The following ARMH3 variants were observed in gnomAD, a reference collection of about 807,000 sequenced individuals.
ARMH3 encodes armadillo-like helical domain-containing protein 3.
In ARMH3, 60 loss-of-function variants were observed where a neutral mutation model predicts 99.1. That is an observed-to-expected ratio of 0.61 (90% CI 0.49 to 0.75). The LOEUF (loss-of-function observed/expected upper bound fraction) is 0.75, where lower values mean the gene tolerates loss of function less well. Among genes scored for constraint, ARMH3 ranks in the 30% least tolerant of loss-of-function variants. ARMH3 has a pLI of 0.00. For synonymous variants in ARMH3, 285 were observed against 292.8 expected (o/e 0.97, Z 0.27); for missense variants, 679 against 843.1 (o/e 0.81, Z 2.41).
chr10:102,030,525 A>G (rs2067103437), intron 4 of ARMH3, among the ~76,000 whole-genome samples: 2 of 152,210 alleles, frequency 1.3e-5, no homozygotes, highest in South Asian at 4.2e-4. Flanking sequence ...CTTGGCCAAC[A>G]TGGTGAAACC....
intron 24 of ARMH3, among the ~76,000 whole-genome samples, chr10:101,869,484 G>A (rs929335355): frequency 6.6e-5 from 10 of 151,968 alleles, no homozygotes; most frequent in African/African-American, 1.9e-4. Context: ...CCAAATAATG[G>A]AAATGAAACA....
intron 24 of ARMH3, among the ~76,000 whole-genome samples, 161 bp from the exon 25 acceptor site, chr10:101,850,053 G>A (rs902822047): frequency 2.7e-5 from 4 of 150,788 alleles, no homozygotes; most frequent in African/African-American, 4.9e-5. Flanking sequence ...TACAGGGAGC[G>A]ATGCCTCAGG....
intron 24 of ARMH3, among the ~76,000 whole-genome samples, chr10:101,857,123 T>C (rs2066754077): frequency 6.6e-6 from 1 of 152,146 alleles, no homozygotes; most frequent in Non-Finnish European, 1.5e-5. Context: ...TTCTGACCTT[T>C]CTGACCTCCT....
intron 23 of ARMH3, among the ~76,000 whole-genome samples, chr10:101,915,088 T>C (rs1195489457): frequency 6.6e-6 from 1 of 152,050 alleles, no homozygotes; most frequent in Admixed American, 6.6e-5. Context: ...AGTTCAACTC[T>C]AACCAAAATG....
chr10:102,017,427 A>G (rs1369953036), intron 8 of ARMH3, among the ~76,000 whole-genome samples: 1 of 152,210 alleles, frequency 6.6e-6, no homozygotes, highest in African/African-American at 2.4e-5. Context: ...CATGTCCAAT[A>G]TTTCAGACTG....
chr10:101,967,000 A>T (rs753692052), intron 20 of ARMH3, among the ~76,000 whole-genome samples: 23 of 152,206 alleles, frequency 1.5e-4, no homozygotes, highest in Non-Finnish European at 3.2e-4. Flanking sequence ...AGCACAAACT[A>T]ATATCTCCAA....
At chr10:101,969,274 GT>G (rs1845669300) in intron 20 of ARMH3, among the ~76,000 whole-genome samples, 1 of 152,126 alleles carries the variant, frequency 6.6e-6, no homozygotes, top group Non-Finnish European at 1.5e-5. Flanking sequence ...GCAACTTCCT[GT>G]AAGTCTATAA....
intron 2 of ARMH3, among the ~76,000 whole-genome samples, chr10:102,036,686 AAG>A (rs2067284286): frequency 1.3e-5 from 2 of 152,006 alleles, no homozygotes; most frequent in Non-Finnish European, 2.9e-5. Flanking sequence ...CAGGCTCGTT[AAG>A]AGTCATCACC....
chr10:102,038,770 C>T (rs1024077973), intron 2 of ARMH3, among the ~76,000 whole-genome samples: 1 of 150,496 alleles, frequency 6.6e-6, no homozygotes, highest in Non-Finnish European at 1.5e-5. Flanking sequence ...GAGATAGGGT[C>T]TCACTCTTGC....
At chr10:101,903,355 G>T (rs903379758) in intron 23 of ARMH3, among the ~76,000 whole-genome samples, 10 of 152,188 alleles carry the variant, frequency 6.6e-5, no homozygotes, top group African/African-American at 1.9e-4. Flanking sequence ...GGCAATGAAG[G>T]TTGTGAATAA....
At chr10:102,031,444 C>CTACA (rs1831183290) in intron 4 of ARMH3, among the ~76,000 whole-genome samples, 1 of 152,216 alleles carries the variant, frequency 6.6e-6, no homozygotes, top group African/African-American at 2.4e-5. Context: ...ATAAAACAGT[C>CTACA]TACAATTCAT....
intron 20 of ARMH3, among the ~76,000 whole-genome samples, chr10:101,971,032 G>A (rs1845746059): frequency 6.7e-6 from 1 of 150,112 alleles, no homozygotes; most frequent in Non-Finnish European, 1.5e-5. Context: ...AGGAGACAGA[G>A]GTTGCAGTGA....
At chr10:101,940,621 G>A (rs1285177455) in intron 22 of ARMH3, among the ~76,000 whole-genome samples, 2 of 151,922 alleles carry the variant, frequency 1.3e-5, no homozygotes, top group African/African-American at 4.8e-5. Flanking sequence ...CCCACAACAG[G>A]TCCCGGTGTG....
intron 19 of ARMH3, among the ~76,000 whole-genome samples, chr10:101,987,217 C>T (rs1846552913): frequency 6.6e-6 from 1 of 152,146 alleles, no homozygotes; most frequent in South Asian, 2.1e-4. Context: ...ATGCACTCTA[C>T]ACTCTAACCA....
chr10:101,950,579 T>C (rs942924430), intron 22 of ARMH3, among the ~76,000 whole-genome samples: 1 of 152,182 alleles, frequency 6.6e-6, no homozygotes. Context: ...ATAAATAAAA[T>C]GTGGTATATC....
At position 102,012,856 on chromosome 10, in the gene ARMH3, A is replaced by C. The variant is rs1484807909; in HGVS notation, c.747T>G (p.Ala249=). 8 of 1,610,756 alleles carry C rather than the reference A, an allele frequency of 5.0e-6. No homozygotes were observed. The highest frequency in any genetic ancestry group is 6.8e-6 in the Non-Finnish European group (8 of 1,178,226). The change falls in exon 10 of 26, where the codon GCT becomes GCG. Residue 249 remains alanine, a synonymous_variant. Coordinates refer to ENST00000370033, the MANE Select transcript of ARMH3 (RefSeq NM_024541.3). ...ACCTGTTGTACTCAGATAAAGCCTG[A>C]GCAATTACAAGTCCCATTCCCTAGA... The part of the protein sequence containing the change: ...ATLNGMGLVI[A]QALSEYNRQY...
intron 23 of ARMH3, among the ~76,000 whole-genome samples, chr10:101,925,111 A>C (rs1590031898): frequency 6.6e-6 from 1 of 152,368 alleles, no homozygotes; most frequent in South Asian, 2.1e-4. Context: ...ACTAGCTTGA[A>C]GGCAGGTCAC....
intron 2 of ARMH3, 198 bp from the exon 3 acceptor site, chr10:102,033,537 G>A (rs1390104040): frequency 7.5e-6 from 4 of 534,626 alleles, no homozygotes; most frequent in Non-Finnish European, 1.3e-5. Flanking sequence ...CCCCGCCTCA[G>A]CCTCCTGAGT....
Position 101,911,181 on chromosome 10 carries a change from C to G in ARMH3, c.1782-21691G>C, listed in dbSNP as rs574014245. Reference sequence around the variant, plus strand: ...GACAGAAGGTGATCAATGTTATGTTCAAGTCTTCAGAAAATGAGTGTGTGA... The same window carrying G: ...GACAGAAGGTGATCAATGTTATGTTGAAGTCTTCAGAAAATGAGTGTGTGA... On this transcript the variant is annotated intron_variant, in intron 23 of 25. Transcript: ENST00000370033. Among the ~76,000 whole-genome samples the G allele has an allele frequency of 1.5e-4, 23 of 151,670 alleles. No individual in the cohort carries two copies. In the South Asian group the frequency reaches 4.6e-3, roughly 30 times the overall value.
Sources: gnomAD v4.1 joint callset for allele counts (sites outside exome capture counted in the v4.1 genomes callset) on GRCh38, gnomAD v4.1.1 for gene constraint, MANE v1.5 for transcripts, NCBI Gene and HGNC (gene_info 2026-07-23, HGNC 2026-07-21) for gene names.